The following RHOBTB1 variants were observed in gnomAD, a reference collection of about 807,000 sequenced individuals.
The protein encoded by RHOBTB1 is Rho related BTB domain containing 1, also known as rho-related BTB domain-containing protein 1.
In RHOBTB1, 40 loss-of-function variants were observed where a neutral mutation model predicts 71.6. The observed-to-expected ratio is 0.56, with a 90% CI of 0.43 to 0.73. The LOEUF (loss-of-function observed/expected upper bound fraction) is 0.73. Ranked by LOEUF, RHOBTB1 falls within the 30% of genes least tolerant of loss-of-function variation. RHOBTB1 has a pLI of 0.00. For synonymous variants in RHOBTB1, 319 were observed against 334.9 expected, an observed-to-expected ratio of 0.95 and a Z score of 0.52; for missense variants, 797 against 894.0, an observed-to-expected ratio of 0.89 and a Z score of 1.38.
chr10:60,972,954 A>G (rs534301599), intron 2 of RHOBTB1, among the ~76,000 whole-genome samples: 20 of 152,216 alleles, frequency 1.3e-4, no homozygotes, highest in African/African-American at 4.3e-4. Context: ...TGTCGAAAGC[A>G]AGAATGATTT....
At chr10:60,894,937 T>G (rs1271626922) in intron 4 of RHOBTB1, among the ~76,000 whole-genome samples, 1 of 152,238 alleles carries the variant, frequency 6.6e-6, no homozygotes. Context: ...TGTGAGGTTT[T>G]GAAATCAGAG....
intron 2 of RHOBTB1, among the ~76,000 whole-genome samples, chr10:60,914,337 C>T (rs2083156759): frequency 1.3e-5 from 2 of 152,110 alleles, no homozygotes; most frequent in African/African-American, 4.8e-5. Flanking sequence ...TTTCTGGTTA[C>T]ATTAGCATGG....
intron 2 of RHOBTB1, among the ~76,000 whole-genome samples, chr10:60,960,910 T>C (rs140929657): frequency 9.9e-5 from 15 of 152,266 alleles, no homozygotes; most frequent in East Asian, 3.9e-4. Flanking sequence ...ATTGTGGTCA[T>C]TGTCAAACTC....
At chr10:60,923,883 A>G (rs2083706963) in intron 2 of RHOBTB1, among the ~76,000 whole-genome samples, 1 of 152,198 alleles carries the variant, frequency 6.6e-6, no homozygotes, top group Non-Finnish European at 1.5e-5. Flanking sequence ...GCCACATGGA[A>G]CACGAGTCCA....
chr10:60,962,721 C>A (rs1208890440), intron 2 of RHOBTB1, among the ~76,000 whole-genome samples: 2 of 152,122 alleles, frequency 1.3e-5, no homozygotes, highest in Non-Finnish European at 2.9e-5. Flanking sequence ...GAAAAAACTG[C>A]TGGCCCAGTC....
chr10:60,959,577 A>G (rs1183036814), intron 2 of RHOBTB1, among the ~76,000 whole-genome samples: 3 of 152,172 alleles, frequency 2.0e-5, no homozygotes, highest in Non-Finnish European at 4.4e-5. Flanking sequence ...AATGAAACAA[A>G]CAAACAAACA....
At chr10:60,960,696 A>C (rs1432017902) in intron 2 of RHOBTB1, among the ~76,000 whole-genome samples, 1 of 152,208 alleles carries the variant, frequency 6.6e-6, no homozygotes, top group Non-Finnish European at 1.5e-5. Flanking sequence ...AAAGAACTTG[A>C]AATGATTACA....
At chr10:60,955,043 C>CTTTTTTTTTTTTTTTTT (rs34012455) in intron 2 of RHOBTB1, among the ~76,000 whole-genome samples, 46 of 112,754 alleles carry the variant, frequency 4.1e-4, no homozygotes, top group East Asian at 5.8e-4. Context: ...TTCTTTCTTT[C>CTTTTTTTTTTTTTTTTT]TTTTTTTTTT....
At chr10:60,982,410 T>C (rs145749657) in intron 2 of RHOBTB1, among the ~76,000 whole-genome samples, 49 of 152,266 alleles carry the variant, frequency 3.2e-4, no homozygotes, top group African/African-American at 1.1e-3. Flanking sequence ...TTTTTGAGGG[T>C]GTATTGTGTA....
rs115973977 is a variant in RHOBTB1, at chr10:60,874,753, G to A, written c.1815+201C>T. Among the ~76,000 whole-genome samples the A allele has an allele frequency of 5.6e-3, 852 of 152,244 alleles. 12 individuals carry two copies. The highest frequency in any genetic ancestry group is 0.039 in the Admixed American group (599 of 15,280). On this transcript the variant is annotated intron_variant, in intron 9 of 10. Transcript: ENST00000337910. ...TGGGACTGGCATGGGGGTGGGGACC[G>A]TTTTGTTTATTCAAATGAAGCCCAG... is the stretch of plus-strand genomic sequence containing the variant.
Position 60,943,989 on chromosome 10 carries a change from G to A in RHOBTB1, c.-80C>T, listed in dbSNP as rs1402052280. 1 of 151,742 alleles carries A rather than the reference G, an allele frequency of 6.6e-6. No individual in the cohort carries two copies. Among genetic ancestry groups the A allele is most frequent in the African/African-American group, 2.4e-5 (1 of 41,358 alleles). The allele number at this position is 151,742 out of a possible 1,614,324, so 9.4% of individuals were successfully genotyped here. On this transcript the variant is annotated 5_prime_UTR_variant, in exon 1 of 11. Coordinates refer to ENST00000337910, the MANE Select transcript of RHOBTB1 (RefSeq NM_014836.5). ...AACCTACCCTGAAGCCGAGCGAGACGCGAGCTCTCTCCGCCTTCAAGGGCC... is the reference window on the plus strand; with the variant it reads ...AACCTACCCTGAAGCCGAGCGAGACACGAGCTCTCTCCGCCTTCAAGGGCC...
upstream of RHOBTB1, among the ~76,000 whole-genome samples, chr10:61,001,642 G>A (rs1314391301): frequency 6.6e-6 from 1 of 152,014 alleles, no homozygotes; most frequent in East Asian, 2.0e-4. Context: ...ACATCCTCGC[G>A]GCCTGCCGGA....
intron 2 of RHOBTB1, among the ~76,000 whole-genome samples, chr10:60,934,956 G>A (rs1347669131): frequency 1.3e-5 from 2 of 152,162 alleles, no homozygotes; most frequent in Non-Finnish European, 2.9e-5. Flanking sequence ...AGGAGGGGAA[G>A]ATATAGAGAA....
intron 1 of RHOBTB1, among the ~76,000 whole-genome samples, chr10:60,988,195 AAGT>A (rs2086733887): frequency 6.6e-6 from 1 of 151,576 alleles, no homozygotes; most frequent in Admixed American, 6.6e-5. Flanking sequence ...CGGCCTCCCA[AAGT>A]GCTGGGATTG....
At chr10:60,988,449 C>T (rs2134915597) in intron 1 of RHOBTB1, among the ~76,000 whole-genome samples, 2 of 151,706 alleles carry the variant, frequency 1.3e-5, no homozygotes, top group South Asian at 4.2e-4. Context: ...GTTGTTCAGC[C>T]CTTGCCCCTC....
intron 2 of RHOBTB1, among the ~76,000 whole-genome samples, chr10:60,979,970 G>C (rs2086439035): frequency 6.6e-6 from 1 of 152,180 alleles, no homozygotes; most frequent in South Asian, 2.1e-4. Context: ...CTGGAATATA[G>C]TAGAATGGGA....
intron 2 of RHOBTB1, among the ~76,000 whole-genome samples, chr10:60,936,366 T>C (rs1329850202): frequency 6.6e-6 from 1 of 152,226 alleles, no homozygotes; most frequent in Non-Finnish European, 1.5e-5. Flanking sequence ...GAGTTTATTA[T>C]TATTTGTAAA....
intron 2 of RHOBTB1, among the ~76,000 whole-genome samples, chr10:60,955,528 C>T (rs1399395903): frequency 6.6e-6 from 1 of 152,108 alleles, no homozygotes; most frequent in Non-Finnish European, 1.5e-5. Flanking sequence ...GAGTATCTGT[C>T]CTGAGCTATC....
chr10:60,960,107 A>C (rs1359793641), intron 2 of RHOBTB1, among the ~76,000 whole-genome samples: 1 of 152,188 alleles, frequency 6.6e-6, no homozygotes, highest in Non-Finnish European at 1.5e-5. Context: ...GTACTGTAAG[A>C]AGCTTTATAA....
Sources: gnomAD v4.1 joint callset for allele counts (sites outside exome capture counted in the v4.1 genomes callset) on GRCh38, gnomAD v4.1.1 for gene constraint, MANE v1.5 for transcripts, NCBI Gene and HGNC (gene_info 2026-07-23, HGNC 2026-07-21) for gene names.